The following GPALPP1 variants were observed in gnomAD, a reference collection of about 807,000 sequenced individuals.
GPALPP1 encodes GPALPP motifs containing 1, also known as GPALPP motifs-containing protein 1.
In GPALPP1, 30 loss-of-function variants were observed where a neutral mutation model predicts 38.9. The observed-to-expected ratio is 0.77, with a 90% CI of 0.58 to 1.05. GPALPP1 has a LOEUF of 1.05. GPALPP1 is among the 50% of genes least tolerant of loss of function. The probability of loss-of-function intolerance (pLI) is 0.00; values close to 1 mark genes in which losing one functional copy is unlikely to be tolerated. For synonymous variants in GPALPP1, 120 were observed against 139.2 expected (o/e 0.86, Z 0.97); for missense variants, 384 against 408.8 (o/e 0.94, Z 0.52).
At chr13:45,024,895 T>C (rs1310951113) in intron 7 of GPALPP1, among the ~76,000 whole-genome samples, 1 of 152,128 alleles carries the variant, frequency 6.6e-6, no homozygotes, top group Non-Finnish European at 1.5e-5. Context: ...CCCTCCAGCC[T>C]GGTGACAGAG....
At chr13:45,033,638 A>G (rs975522625), downstream of GPALPP1, 3 of 152,196 alleles carry the variant, frequency 2.0e-5, no homozygotes, top group African/African-American at 4.8e-5. Flanking sequence ...TTGTTTTAAC[A>G]TTATTAGCTT....
Position 45,022,685 on chromosome 13 carries a change from T to C in GPALPP1, c.804+2257T>C, listed in dbSNP as rs550046631. ...TTAATGAAGACAAAAACCAATCAAGTAGAAGTTTGACATTAGTTTTCAAAA... is the reference window on the plus strand; with the variant it reads ...TTAATGAAGACAAAAACCAATCAAGCAGAAGTTTGACATTAGTTTTCAAAA... On this transcript the variant is annotated intron_variant, in intron 7 of 7. Coordinates refer to ENST00000379151, the MANE Select transcript of GPALPP1 (RefSeq NM_018559.5). Among the ~76,000 whole-genome samples the C allele has an allele frequency of 2.2e-3, 333 of 152,258 alleles. 2 individuals are homozygous for C. The highest frequency in any genetic ancestry group is 4.1e-3 in the Non-Finnish European group (280 of 68,016).
At chr13:44,994,580 G>C (rs1167305052) in intron 1 of GPALPP1, among the ~76,000 whole-genome samples, 2 of 152,146 alleles carry the variant, frequency 1.3e-5, no homozygotes, top group Non-Finnish European at 2.9e-5. Flanking sequence ...CCCTCAGTTT[G>C]AGTGCTTCCT....
downstream of GPALPP1, chr13:45,034,746 T>A (rs1283682484): frequency 2.7e-5 from 4 of 148,344 alleles, no homozygotes; most frequent in African/African-American, 9.9e-5. Flanking sequence ...TTTTTTATTT[T>A]TTTTTTTTGA....
At chr13:45,007,386 C>T (rs1381067959) in intron 3 of GPALPP1, among the ~76,000 whole-genome samples, 6 of 152,106 alleles carry the variant, frequency 3.9e-5, no homozygotes, top group Non-Finnish European at 1.5e-5. Flanking sequence ...AGTATCATAA[C>T]ATGCCATGGT....
intron 2 of GPALPP1, 29 bp from the exon 3 acceptor site, chr13:45,006,173 T>C: frequency 7.7e-7 from 1 of 1,304,238 alleles, no homozygotes; most frequent in Non-Finnish European, 1.1e-6. Flanking sequence ...TTGACATATA[T>C]GCATAAAGTT....
chr13:45,023,846 C>T (rs1875587742), intron 7 of GPALPP1, among the ~76,000 whole-genome samples: 1 of 152,112 alleles, frequency 6.6e-6, no homozygotes. Context: ...TTTATACATA[C>T]ATATAATGCT....
rs958106559 is a variant in GPALPP1, at chr13:45,029,837, A to T, written c.*1834A>T. On this transcript the variant is annotated 3_prime_UTR_variant, in exon 8 of 8. Coordinates refer to ENST00000379151, the MANE Select transcript of GPALPP1 (RefSeq NM_018559.5). ...GTCAGAAAGATCTCTGGGTTATCTC[A>T]TGTGCTAAGGAAAAACTATTTTGCT... The T allele has an allele frequency of 2.6e-5, 4 of 152,118 alleles. No homozygotes were observed. The highest frequency in any genetic ancestry group is 5.9e-5 in the Non-Finnish European group (4 of 68,004). 9.4% of individuals were successfully genotyped at this position (152,118 alleles called of 1,614,324 possible).
At position 45,037,427 on chromosome 13, in the gene GPALPP1, C is replaced by T. The variant is rs1270967196; in HGVS notation, c.*4192C>T. On this transcript the variant is annotated 3_prime_UTR_variant, in exon 8 of 8. Transcript: ENST00000357537. ...TACACACTTAACAAAAGCAATTTAT[C>T]ATCAGCCTAAGATTGCTAATTTTTA... is the stretch of plus-strand genomic sequence containing the variant. 3 of 152,194 alleles carry T rather than the reference C, an allele frequency of 2.0e-5. No individual in the cohort carries two copies. The South Asian group carries it at 6.2e-4, about 31-fold the overall frequency. The allele number at this position is 152,194 out of a possible 1,614,324, so 9.4% of individuals were successfully genotyped here.
chr13:45,020,459 G>C (rs755978177), intron 7 of GPALPP1, 31 bp downstream of exon 7: 1 of 869,026 alleles, frequency 1.2e-6, no homozygotes, highest in African/African-American at 1.7e-5. Flanking sequence ...TATAGAGCCA[G>C]GTGTGATGGC....
chr13:45,036,754 T>G (rs1273128900), exon 8 of GPALPP1: 1 of 152,098 alleles, frequency 6.6e-6, no homozygotes, highest in Admixed American at 6.6e-5. Flanking sequence ...AAGACCAACC[T>G]GGGCAACGTG....
At chr13:44,989,785 A>C (rs182347810) in intron 1 of GPALPP1, 43 bp downstream of exon 1, 83 of 1,445,344 alleles carry the variant, frequency 5.7e-5, no homozygotes, top group African/African-American at 4.7e-4. Flanking sequence ...CCATCTACCC[A>C]CTCCCTGGCC....
chr13:45,035,413 C>T (rs1876375195), exon 8 of GPALPP1: 1 of 152,248 alleles, frequency 6.6e-6, no homozygotes, highest in Non-Finnish European at 1.5e-5. Flanking sequence ...CTGTATGTAA[C>T]TCCACTAATA....
chr13:44,999,656 A>G (rs1873527026), intron 1 of GPALPP1, among the ~76,000 whole-genome samples: 1 of 152,144 alleles, frequency 6.6e-6, no homozygotes, highest in Admixed American at 6.5e-5. Context: ...CTTGGCTCAC[A>G]GCAACCTCCG....
chr13:44,994,730 A>AAATAATTTC (rs1873119528), intron 1 of GPALPP1, among the ~76,000 whole-genome samples: 2 of 152,218 alleles, frequency 1.3e-5, no homozygotes, highest in African/African-American at 2.4e-5. Flanking sequence ...TTTCATAATA[A>AAATAATTTC]AAGTATTCTT....
chr13:45,024,360 C>T lies in GPALPP1; in HGVS notation c.805-3425C>T, dbSNP rs148717361. The stretch of plus-strand genomic sequence containing the variant: ...CATTGCCCAGGCTGGAGTGCAGTGG[C>T]GCGATCTCGGCTTACTGCAGTCTCC... On this transcript the variant is annotated intron_variant, in intron 7 of 7. Coordinates refer to ENST00000379151, the MANE Select transcript of GPALPP1 (RefSeq NM_018559.5). Among the ~76,000 whole-genome samples the T allele has an allele frequency of 4.0e-5, 6 of 151,284 alleles. No individual in the cohort carries two copies. The South Asian group carries it at 6.3e-4, about 16-fold the overall frequency.
chr13:44,990,436 A>G (rs890296739), intron 1 of GPALPP1: 1 of 153,936 alleles, frequency 6.5e-6, no homozygotes, highest in African/African-American at 2.4e-5. Flanking sequence ...AAGCATTGTC[A>G]TGCCTTTCTT....
At chr13:44,998,028 A>G (rs1404738070) in intron 1 of GPALPP1, among the ~76,000 whole-genome samples, 1 of 152,176 alleles carries the variant, frequency 6.6e-6, no homozygotes. Flanking sequence ...CCAATCTGCA[A>G]CCTTGGCTTT....
In GPALPP1 at chr13:45,029,991, C is replaced by A. The variant is rs142868717; in HGVS notation, c.*1988C>A. 1.3e-5 allele frequency: 2 copies of A among 150,664 alleles called. No homozygotes were observed. Among genetic ancestry groups the A allele is most frequent in the Non-Finnish European group, 2.9e-5 (2 of 67,970 alleles). The allele number at this position is 150,664 out of a possible 1,614,324, so 9.3% of individuals were successfully genotyped here. A position where few individuals can be genotyped will look rare whatever the true frequency, so the allele number is the denominator to read the frequency against. On this transcript the variant is annotated 3_prime_UTR_variant, in exon 8 of 8. Transcript: ENST00000379151. ...AACCAAAGCTTTCTGAGTCCTGGAA[C>A]TTTGCTTTGGGACAACTTTACTTTA...
Sources: gnomAD v4.1 joint callset for allele counts (sites outside exome capture counted in the v4.1 genomes callset) on GRCh38, gnomAD v4.1.1 for gene constraint, MANE v1.5 for transcripts, NCBI Gene and HGNC (gene_info 2026-07-23, HGNC 2026-07-21) for gene names.